Variants in PPFIA1 observed in about 807,000 individuals in gnomAD.
The protein encoded by PPFIA1 is liprin-alpha-1.
PPFIA1 carries 25 observed loss-of-function variants against 149.9 expected under a neutral mutation model. The ratio of observed to expected loss-of-function variants is 0.17; its 90% confidence interval spans 0.12 to 0.23. PPFIA1 has a LOEUF of 0.23. Ranked by LOEUF, PPFIA1 falls within the 10% of genes least tolerant of loss-of-function variation. PPFIA1 has a pLI of 1.00. For missense variants in PPFIA1, 1,362 were observed against 1,506.5 expected (o/e 0.90, Z 1.59); for synonymous variants, 549 against 552.8 (o/e 0.99, Z 0.10).
rs1390297887 is a variant in PPFIA1 at position 70,272,415 on chromosome 11, G to A, written c.243G>A (p.Gln81=). 7 of 1,613,254 alleles carry A rather than the reference G, an allele frequency of 4.3e-6. No homozygotes were observed. The East Asian group carries it at 6.7e-5, about 15-fold the overall frequency. ...VGHERDSLQR[Q]LNTALPQEFA... is the part of the protein sequence containing the mutation. ...ATGAAAGAGATTCCTTGCAGAGACA[G>A]CTCAACACGGCACTTCCACAGGTAT... is the stretch of plus-strand genomic sequence containing the variant. The change falls in exon 2 of 28, where the codon CAG becomes CAA. Residue 81 remains glutamine, a synonymous_variant. Coordinates refer to ENST00000253925, the MANE Select transcript of PPFIA1 (RefSeq NM_003626.5).
rs1334728765 is a variant in PPFIA1 at position 70,304,711 on chromosome 11, T to G, written c.265-19691T>G. Reference sequence around the variant, plus strand: ...ATTGATACACTCTCCAGCTGGACAGTGCAGAATTGCATGGAATTAGAGGCA... The same window carrying G: ...ATTGATACACTCTCCAGCTGGACAGGGCAGAATTGCATGGAATTAGAGGCA... On this transcript the variant is annotated intron_variant, in intron 2 of 27. Transcript: ENST00000253925. 2.3e-4 allele frequency among the ~76,000 whole-genome samples: 35 copies of G among 152,034 alleles called. 2 individuals carry two copies. The highest frequency in any genetic ancestry group is 2.3e-3 in the Admixed American group (35 of 15,252).
chr11:70,330,390 A>G, intron 8 of PPFIA1, 71 bp downstream of exon 8: 1 of 1,337,028 alleles, frequency 7.5e-7, no homozygotes, highest in East Asian at 2.6e-5. Context: ...TTTTTCTCTC[A>G]CTTTCATGTT....
chr11:70,273,422 C>T (rs192262729), intron 2 of PPFIA1, among the ~76,000 whole-genome samples: 39 of 152,114 alleles, frequency 2.6e-4, no homozygotes, highest in African/African-American at 8.9e-4. Context: ...AGGTGAGTGG[C>T]ACGGGGCATA....
At chr11:70,362,578 C>G in intron 21 of PPFIA1, 90 bp downstream of exon 21, 1 of 1,326,292 alleles carries the variant, frequency 7.5e-7, no homozygotes, top group South Asian at 1.5e-5. Context: ...TTCTCCAGTT[C>G]CTTAACAGCA....
chr11:70,320,846 C>T (rs567008545), intron 2 of PPFIA1, among the ~76,000 whole-genome samples: 5 of 152,268 alleles, frequency 3.3e-5, no homozygotes, highest in African/African-American at 1.2e-4. Context: ...AGGTAGAATG[C>T]AAGGCCTGGG....
intron 2 of PPFIA1, among the ~76,000 whole-genome samples, chr11:70,316,033 C>T (rs2053606014): frequency 6.6e-6 from 1 of 152,048 alleles, no homozygotes; most frequent in African/African-American, 2.4e-5. Flanking sequence ...AAGGTTCACC[C>T]ATATTGTATT....
intron 15 of PPFIA1, 37 bp from the exon 16 acceptor site, chr11:70,348,152 C>G: frequency 2.5e-6 from 4 of 1,592,070 alleles, no homozygotes; most frequent in Non-Finnish European, 3.4e-6. Flanking sequence ...ATCTGTTTGC[C>G]GAAACAGGAG....
Position 70,362,434 on chromosome 11 carries a change from C to T in PPFIA1, c.2811C>T (p.Ala937=). The T allele has an allele frequency of 5.0e-6, 8 of 1,614,158 alleles. No individual in the cohort carries two copies. The highest frequency in any genetic ancestry group is 6.8e-6 in the Non-Finnish European group (8 of 1,180,032). The stretch of plus-strand genomic sequence containing the variant: ...TGCACAGGCTGAAGCTGAGGCTGGC[C>T]ATCCAGGAGATCATGTCGCTGACCA... ...NPLHRLKLRL[A]IQEIMSLTSP... The change falls in exon 21 of 28, where the codon GCC becomes GCT. Residue 937 remains alanine (A), a synonymous_variant. Coordinates refer to ENST00000253925, the MANE Select transcript of PPFIA1 (RefSeq NM_003626.5).
intron 21 of PPFIA1, chr11:70,365,636 A>G (rs747753483): frequency 5.0e-5 from 18 of 357,424 alleles, no homozygotes; most frequent in Non-Finnish European, 8.8e-5. Context: ...TCAAGTTGGT[A>G]GACTCTGTCT....
At chr11:70,361,986 C>T in intron 19 of PPFIA1, 109 bp from the exon 20 acceptor site, 1 of 991,308 alleles carries the variant, frequency 1.0e-6, no homozygotes, top group Admixed American at 1.9e-5. Context: ...GTCTTGAACT[C>T]CTGGGCTCAA....
intron 27 of PPFIA1, among the ~76,000 whole-genome samples, 186 bp from the exon 28 acceptor site, chr11:70,382,817 T>C (rs2057759612): frequency 6.6e-6 from 1 of 152,208 alleles, no homozygotes; most frequent in African/African-American, 2.4e-5. Context: ...AGCTGTCTCA[T>C]TGATGTGCAT....
chr11:70,362,164 G>C lies in PPFIA1; in HGVS notation c.2652G>C (p.Val884=). ...PFAQWDGPTV[V]VWLELWVGMP... ...CCCAATGGGACGGGCCAACGGTTGT[G>C]GTCTGGCTAGAGGTACATCCTTCAT... Residue 884 remains valine, a synonymous_variant, in exon 20 of 28, where the codon GTG becomes GTC. Transcript: ENST00000253925. The C allele has an allele frequency of 6.2e-7, 1 of 1,614,210 alleles. No individual in the cohort carries two copies. Among genetic ancestry groups the C allele is most frequent in the Non-Finnish European group, 8.5e-7 (1 of 1,180,038 alleles).
chr11:70,298,093 A>G (rs916088346), intron 2 of PPFIA1, among the ~76,000 whole-genome samples: 2 of 152,322 alleles, frequency 1.3e-5, no homozygotes, highest in Non-Finnish European at 2.9e-5. Flanking sequence ...CTAGAAAGAA[A>G]AAAGAACACA....
chr11:70,351,303 G>A (rs1477004211), intron 16 of PPFIA1, among the ~76,000 whole-genome samples: 1 of 152,172 alleles, frequency 6.6e-6, no homozygotes, highest in African/African-American at 2.4e-5. Context: ...AGATGTAGTA[G>A]TTTTAAAAAT....
In PPFIA1 at chr11:70,337,435, A is replaced by T. The variant is rs760492968; in HGVS notation, c.1491+8A>T. On this transcript the variant is annotated splice_region_variant and intron_variant, in intron 12 of 27. Coordinates refer to ENST00000253925, the MANE Select transcript of PPFIA1 (RefSeq NM_003626.5). Reference sequence around the variant, plus strand: ...GAAACACAACACGATAAGGTACTGAAATCTTCTCTAAATCCATGAAGAGCC... The same window carrying T: ...GAAACACAACACGATAAGGTACTGATATCTTCTCTAAATCCATGAAGAGCC... The T allele has an allele frequency of 1.3e-6, 2 of 1,575,258 alleles. No individual in the cohort carries two copies. The highest frequency in any genetic ancestry group is 1.7e-6 in the Non-Finnish European group (2 of 1,156,454).
Position 70,372,658 on chromosome 11 carries a change from A to G in PPFIA1, c.3139+84A>G. On this transcript the variant is annotated intron_variant, in intron 23 of 27. Coordinates refer to ENST00000253925, the MANE Select transcript of PPFIA1 (RefSeq NM_003626.5). The stretch of plus-strand genomic sequence containing the variant: ...CTCAGTGACTTCCTATTTTTCAAAA[A>G]ATCAAGAAAGGCTAAATTTAAGTGG... 5.2e-6 allele frequency: 6 copies of G among 1,153,924 alleles called. No homozygotes were observed. In the South Asian group the frequency reaches 8.0e-5, roughly 15 times the overall value. 71.5% of individuals were successfully genotyped at this position (1,153,924 alleles called of 1,614,324 possible).
chr11:70,356,315 C>G, intron 19 of PPFIA1, 61 bp downstream of exon 19: 2 of 1,282,902 alleles, frequency 1.6e-6, no homozygotes, highest in Admixed American at 3.7e-5. Flanking sequence ...TAAGCTCTAA[C>G]TAGTGTTTGT....
At chr11:70,327,137 A>G in intron 7 of PPFIA1, 1 of 274,450 alleles carries the variant, frequency 3.6e-6, no homozygotes, top group South Asian at 4.3e-5. Context: ...CCTTGTTTGT[A>G]GATTCTTCAT....
At chr11:70,295,132 C>T (rs1260335666) in intron 2 of PPFIA1, among the ~76,000 whole-genome samples, 1 of 151,954 alleles carries the variant, frequency 6.6e-6, no homozygotes, top group South Asian at 2.1e-4. Context: ...TAGGGGCGGC[C>T]GGGCAGAGGC....
Sources: gnomAD v4.1 joint callset for allele counts (sites outside exome capture counted in the v4.1 genomes callset) on GRCh38, gnomAD v4.1.1 for gene constraint, MANE v1.5 for transcripts, NCBI Gene and HGNC (gene_info 2026-07-23, HGNC 2026-07-21) for gene names.